Variants in SNX13 observed in about 807,000 individuals in gnomAD.
The protein encoded by SNX13 is sorting nexin-13.
SNX13 carries 45 observed loss-of-function variants against 133.6 expected under a neutral mutation model. That is an observed-to-expected ratio of 0.34 (90% confidence interval 0.27 to 0.43). SNX13 has a LOEUF of 0.43. Ranked by LOEUF, SNX13 falls within the 20% of genes least tolerant of loss-of-function variation. The pLI is 1.00. For synonymous variants in SNX13, 414 were observed against 373.9 expected (o/e 1.11, Z -1.24); for missense variants, 1,032 against 1,145.1 (o/e 0.90, Z 1.43).
intron 9 of SNX13, among the ~76,000 whole-genome samples, chr7:17,866,661 A>G (rs1474475189): frequency 6.6e-6 from 1 of 152,220 alleles, no homozygotes; most frequent in African/African-American, 2.4e-5. Context: ...AAAACAAAAC[A>G]AAGACTGAAC....
intron 15 of SNX13, chr7:17,830,348 A>C (rs1468794482): frequency 1.6e-5 from 16 of 984,196 alleles, no homozygotes; most frequent in Non-Finnish European, 1.8e-5. Context: ...GGTATCAAGT[A>C]AGTTGCCTAA....
Position 17,816,295 on chromosome 7 carries a change from A to G in SNX13, c.1846-6T>C. 3 of 1,535,876 alleles carry G rather than the reference A, an allele frequency of 2.0e-6. No individual in the cohort carries two copies. The East Asian group carries it at 7.4e-5, about 38-fold the overall frequency. ...ATGCTTGAGAGACTTTCAAACTGTA[A>G]GACAAAATACATTCAATAGCACTTT... On this transcript the variant is annotated splice_polypyrimidine_tract_variant and splice_region_variant and intron_variant, in intron 18 of 25. Transcript: ENST00000428135.
At chr7:17,897,204 T>A (rs1369316691) in intron 2 of SNX13, 130 bp downstream of exon 2, 13 of 449,378 alleles carry the variant, frequency 2.9e-5, no homozygotes, top group East Asian at 3.6e-5. Flanking sequence ...CTTATTTTTT[T>A]AACTTTAGTA....
At position 17,868,466 on chromosome 7, in the gene SNX13, G is replaced by A. The variant is rs367562539; in HGVS notation, c.778C>T (p.Leu260Phe). Residue 260 changes from leucine to phenylalanine, a missense_variant, in exon 9 of 26, where the codon CTT becomes TTT. Transcript: ENST00000428135. Reference protein sequence around the residue: ...VREILARGILLPLINQLSDPD... With the variant: ...VREILARGILFPLINQLSDPD... Reference sequence around the variant, plus strand: ...TCACTGAGTTGATTTATTAATGGAAGAAGAATTCCTCGTGCAAGGATTTCC... The same window carrying A: ...TCACTGAGTTGATTTATTAATGGAAAAAGAATTCCTCGTGCAAGGATTTCC... 2.0e-5 allele frequency: 32 copies of A among 1,608,342 alleles called. No homozygotes were observed. Among genetic ancestry groups the A allele is most frequent in the Non-Finnish European group, 2.6e-5 (31 of 1,177,366 alleles).
rs766916552 is a variant in SNX13 at position 17,875,568 on chromosome 7, ATCT to A, written c.573_575del (p.Glu191del). ...CAACTTCAAAGAAGGTATCTACAAG[ATCT>A]TCTGCTGTACCTAAAGAAAAACAAT... On this transcript the variant is annotated inframe_deletion, in exon 7 of 26. Transcript: ENST00000428135. The A allele has an allele frequency of 1.2e-6, 2 of 1,612,072 alleles. No individual in the cohort carries two copies. The highest frequency in any genetic ancestry group is 1.7e-6 in the Non-Finnish European group (2 of 1,179,570).
chr7:17,903,275 C>A (rs1313201965), intron 1 of SNX13, among the ~76,000 whole-genome samples: 1 of 152,164 alleles, frequency 6.6e-6, no homozygotes, highest in Admixed American at 6.5e-5. Context: ...ATAGTTCTCT[C>A]ATTTCTAACA....
chr7:17,911,036 A>G (rs928839275), intron 1 of SNX13, among the ~76,000 whole-genome samples: 5 of 152,230 alleles, frequency 3.3e-5, no homozygotes, highest in Admixed American at 3.3e-4. Context: ...CTAATTTTAC[A>G]TTATGTCAAT....
chr7:17,798,780 T>C (rs1784323830), intron 23 of SNX13, 22 bp from the exon 24 acceptor site: 2 of 1,508,322 alleles, frequency 1.3e-6, no homozygotes, highest in South Asian at 1.3e-5. Context: ...TTAATGTAAA[T>C]GAGGAAGGTT....
intron 9 of SNX13, among the ~76,000 whole-genome samples, chr7:17,858,267 T>C (rs935461924): frequency 2.0e-5 from 3 of 152,096 alleles, no homozygotes; most frequent in African/African-American, 4.8e-5. Context: ...GAACACCATT[T>C]AGAAAAACCT....
chr7:17,794,045 T>C lies in SNX13; in HGVS notation c.2874A>G (p.Ter958TrpextTer5). Residue 958 changes from the stop codon to tryptophan, a stop_lost, in exon 26 of 26, where the codon TGA becomes TGG. Transcript: ENST00000428135. ...TTQAPSLQKR[*>W] Reference sequence around the variant, plus strand: ...AACACCAGCTTCATAGAGTGGAGTGTCACCTTTTCTGCAAAGAAGGCGCTT... The same window carrying C: ...AACACCAGCTTCATAGAGTGGAGTGCCACCTTTTCTGCAAAGAAGGCGCTT... 4 of 1,610,712 alleles carry C rather than the reference T, an allele frequency of 2.5e-6. No individual in the cohort carries two copies. Among genetic ancestry groups the C allele is most frequent in the African/African-American group, 1.3e-5 (1 of 74,864 alleles).
chr7:17,823,732 G>A (rs963012482), intron 17 of SNX13, among the ~76,000 whole-genome samples: 4 of 152,110 alleles, frequency 2.6e-5, no homozygotes, highest in African/African-American at 9.7e-5. Flanking sequence ...TTTTAATCAC[G>A]TTAGAGAACC....
Position 17,821,959 on chromosome 7 carries a change from A to G in SNX13, c.1706-311T>C, listed in dbSNP as rs564765270. On this transcript the variant is annotated intron_variant, in intron 17 of 25. Transcript: ENST00000428135. ...CTTCCAAAGAGCTTTCTGTTACTAC[A>G]TCACTACATCATTACATTGCTACAT... Among the ~76,000 whole-genome samples the G allele has an allele frequency of 2.0e-5, 3 of 152,324 alleles. No homozygotes were observed. In the East Asian group the frequency reaches 5.8e-4, roughly 29 times the overall value.
At chr7:17,805,812 C>CT (rs923178839) in intron 20 of SNX13, among the ~76,000 whole-genome samples, 15 of 151,672 alleles carry the variant, frequency 9.9e-5, no homozygotes, top group Admixed American at 6.6e-4. Flanking sequence ...GTACTGAAGC[C>CT]TTTTTTTTGT....
chr7:17,929,036 T>C (rs1375093040), intron 1 of SNX13, among the ~76,000 whole-genome samples: 1 of 152,152 alleles, frequency 6.6e-6, no homozygotes, highest in Non-Finnish European at 1.5e-5. Flanking sequence ...ATTTTCTATT[T>C]TGGCTTTTTT....
At chr7:17,795,602 C>T (rs954802730) in intron 25 of SNX13, 3 of 151,668 alleles carry the variant, frequency 2.0e-5, no homozygotes, top group Non-Finnish European at 1.5e-5. Flanking sequence ...TAACAAACTA[C>T]GTTCCATTTA....
rs112615737 is a variant in SNX13, at chr7:17,806,858, G to A, written c.2065-3278C>T. ...GTCACGCGGGAAGTGGAAGGGGTCAGGGAACTCCTTCCCTAGCCAAGGGAA... is the reference window on the plus strand; with the variant it reads ...GTCACGCGGGAAGTGGAAGGGGTCAAGGAACTCCTTCCCTAGCCAAGGGAA... On this transcript the variant is annotated intron_variant, in intron 20 of 25. Transcript: ENST00000428135. Among the ~76,000 whole-genome samples, 21 of 152,320 alleles carry A rather than the reference G, an allele frequency of 1.4e-4. 2 individuals are homozygous for A. Among genetic ancestry groups the A allele is most frequent in the African/African-American group, 4.6e-4 (19 of 41,582 alleles).
chr7:17,798,597 C>A (rs928384889), intron 24 of SNX13, 93 bp downstream of exon 24: 4 of 946,424 alleles, frequency 4.2e-6, no homozygotes, highest in Non-Finnish European at 6.4e-6. Context: ...AACTTTATGT[C>A]CAGGAAGGAA....
At chr7:17,890,841 T>C (rs1349559240) in intron 4 of SNX13, among the ~76,000 whole-genome samples, 2 of 151,882 alleles carry the variant, frequency 1.3e-5, no homozygotes, top group African/African-American at 4.8e-5. Flanking sequence ...TTTAATGGAA[T>C]GAGATGTAAA....
chr7:17,821,565 T>C lies in SNX13; in HGVS notation c.1789A>G (p.Lys597Glu), dbSNP rs1248705867. The C allele has an allele frequency of 6.2e-7, 1 of 1,613,690 alleles. No homozygotes were observed. Among genetic ancestry groups the C allele is most frequent in the Admixed American group, 1.7e-5 (1 of 59,980 alleles). The part of the protein sequence containing the change: ...RRNLNSEEMW[K>E]TYRRYSDFHD... ...AAGTCACTATAACGACGATAGGTTT[T>C]CCACATCTCCTCACTGTTTAGGTTG... Residue 597 changes from lysine to glutamate, a missense_variant, in exon 18 of 26, where the codon AAA becomes GAA. Physicochemically the swap from Lys to Glu is moderately conservative, Grantham distance 56 (BLOSUM62 1). Coordinates refer to ENST00000428135, the MANE Select transcript of SNX13 (RefSeq NM_015132.5).
Sources: gnomAD v4.1 joint callset for allele counts (sites outside exome capture counted in the v4.1 genomes callset) on GRCh38, gnomAD v4.1.1 for gene constraint, MANE v1.5 for transcripts, NCBI Gene and HGNC (gene_info 2026-07-23, HGNC 2026-07-21) for gene names.